FUS: variants seen among roughly 807,000 people sequenced by gnomAD.
The protein encoded by FUS is RNA-binding protein FUS.
In FUS, 5 loss-of-function variants were observed where a neutral mutation model predicts 82.7. The observed-to-expected ratio is 0.06, with a 90% CI of 0.03 to 0.13. FUS has a LOEUF of 0.13. FUS is among the 10% of genes least tolerant of loss of function. FUS has a pLI of 1.00. For synonymous variants in FUS, 281 were observed against 247.4 expected (o/e 1.14, Z -1.27); for missense variants, 512 against 707.8 (o/e 0.72, Z 3.14).
At chr16:31,186,523 C>G (rs946668576) in intron 6 of FUS, 1 of 522,752 alleles carries the variant, frequency 1.9e-6, no homozygotes, top group East Asian at 3.2e-5. Context: ...ATCGGAAGAA[C>G]GACCAAGGAA....
At chr16:31,191,222 GGTT>G (rs1296374683) in intron 14 of FUS, 112 bp downstream of exon 14, 70 of 1,508,024 alleles carry the variant, frequency 4.6e-5, no homozygotes, top group Admixed American at 1.9e-5. Context: ...AAAGACCTGA[GGTT>G]GTAACCAGTA....
intron 7 of FUS, chr16:31,187,213 TTGTGTGTG>T (rs959759925): frequency 5.3e-6 from 2 of 376,284 alleles, no homozygotes; most frequent in East Asian, 8.1e-5. Flanking sequence ...TGTCCAAGGC[TTGTGTGTG>T]TGTGAGTGTG....
chr16:31,180,146 C>T lies in FUS; in HGVS notation c.-69C>T, dbSNP rs766319327. 11 of 1,585,430 alleles carry T rather than the reference C, an allele frequency of 6.9e-6. No individual in the cohort carries two copies. The highest frequency in any genetic ancestry group is 1.7e-4 in the Middle Eastern group (1 of 6,050). ...GACGCAGGAGGCGGGGCTGCTCAGTCCTCCAGGCGTCGGTACTCAGCGGTG... is the reference window on the plus strand; with the variant it reads ...GACGCAGGAGGCGGGGCTGCTCAGTTCTCCAGGCGTCGGTACTCAGCGGTG... On this transcript the variant is annotated 5_prime_UTR_variant, in exon 1 of 15. Coordinates refer to ENST00000254108, the MANE Select transcript of FUS (RefSeq NM_004960.4).
intron 8 of FUS, chr16:31,188,746 T>G: frequency 2.2e-6 from 1 of 464,286 alleles, no homozygotes; most frequent in Non-Finnish European, 3.9e-6. Flanking sequence ...GAACTCCTGT[T>G]TAGGTTGTAT....
chr16:31,185,536 G>C (rs1411885804), intron 6 of FUS: 1 of 561,898 alleles, frequency 1.8e-6, no homozygotes, highest in Admixed American at 2.2e-5. Flanking sequence ...TCCCACTCCT[G>C]GGAAATAGTA....
chr16:31,190,270 A>C lies in FUS; in HGVS notation c.1169-5A>C. 1 of 1,614,116 alleles carries C rather than the reference A, an allele frequency of 6.2e-7. No homozygotes were observed. The highest frequency in any genetic ancestry group is 2.2e-5 in the East Asian group (1 of 44,874). ...GCAGACCCATACTTGGTCTATCTGC[A>C]TTAGGACCCATGGGCCGTGGAGGCT... On this transcript the variant is annotated splice_region_variant and splice_polypyrimidine_tract_variant and intron_variant, in intron 11 of 14. Transcript: ENST00000254108.
At chr16:31,190,419 T>C (rs1203340783) in intron 12 of FUS, 21 bp downstream of exon 12, 1 of 1,614,134 alleles carries the variant, frequency 6.2e-7, no homozygotes, top group Non-Finnish European at 8.5e-7. Context: ...CTTAATTTTT[T>C]TCTTAGTTCT....
downstream of FUS, chr16:31,192,947 T>A (rs2079380577): frequency 2.1e-6 from 1 of 484,790 alleles, no homozygotes; most frequent in Admixed American, 2.3e-5. Flanking sequence ...TCTTGGGTGA[T>A]TTGAGGCACA....
chr16:31,181,163 C>T (rs560005930), intron 1 of FUS, among the ~76,000 whole-genome samples: 1 of 152,342 alleles, frequency 6.6e-6, no homozygotes, highest in Non-Finnish European at 1.5e-5. Flanking sequence ...GATCCGCCCG[C>T]CTGGGCCTCC....
rs1462587828 is a variant in FUS, at chr16:31,190,125, A to C, written c.1152A>C (p.Gly384=). The change falls in exon 11 of 15, where the codon GGA becomes GGC. Residue 384 remains glycine, a synonymous_variant. Coordinates refer to ENST00000254108, the MANE Select transcript of FUS (RefSeq NM_004960.4). ...ATCGGGGTGGTGGCAATGGTCGTGG[A>C]GGCCGAGGGCGAGGAGGTGAGGAGC... ...DFNRGGGNGR[G]GRGRGGPMGR... 6.2e-7 allele frequency: 1 copy of C among 1,613,986 alleles called. No individual in the cohort carries two copies. The highest frequency in any genetic ancestry group is 2.2e-5 in the East Asian group (1 of 44,902).
At chr16:31,190,691 G>A (rs1329708606) in intron 12 of FUS, 51 bp from the exon 13 acceptor site, 1 of 1,516,054 alleles carries the variant, frequency 6.6e-7, no homozygotes, top group Middle Eastern at 1.7e-4. Context: ...CTAGTTCTAG[G>A]TCTTGCCTAT....
downstream of FUS, chr16:31,192,901 G>C (rs780043463): frequency 2.1e-6 from 1 of 486,332 alleles, no homozygotes; most frequent in Admixed American, 2.3e-5. Flanking sequence ...TGTTCCACAA[G>C]TATGTTCTCT....
intron 9 of FUS, 45 bp from the exon 10 acceptor site, chr16:31,189,620 A>G (rs1262168931): frequency 3.7e-6 from 6 of 1,613,548 alleles, no homozygotes; most frequent in African/African-American, 2.7e-5. Context: ...GAAAGGGAGT[A>G]CTGTAGCCTT....
At position 31,185,106 on chromosome 16, in the gene FUS, G is replaced by C; in HGVS notation, c.691G>C (p.Gly231Arg). Residue 231 changes from glycine to arginine, a missense_variant, in exon 6 of 15, where the codon GGT (glycine) becomes CGT (arginine). By Grantham distance (125) the Gly-to-Arg change is moderately radical. Coordinates refer to ENST00000254108, the MANE Select transcript of FUS (RefSeq NM_004960.4). ...SGGGGGGGGG[G>R]YNRSSGGYEP... Reference sequence around the variant, plus strand: ...TGGCGGCGGCGGCGGCGGCGGTGGTGGTTACAACCGCAGCAGTGGTGGCTA... The same window carrying C: ...TGGCGGCGGCGGCGGCGGCGGTGGTCGTTACAACCGCAGCAGTGGTGGCTA... 1 of 1,608,464 alleles carries C rather than the reference G, an allele frequency of 6.2e-7. No homozygotes were observed. Among genetic ancestry groups the C allele is most frequent in the Non-Finnish European group, 8.5e-7 (1 of 1,177,782 alleles).
At chr16:31,180,298 A>T in intron 1 of FUS, 71 bp downstream of exon 1, 1 of 1,554,768 alleles carries the variant, frequency 6.4e-7, no homozygotes, top group South Asian at 1.2e-5. Flanking sequence ...TTTCGTTTTC[A>T]GTGGGACCGG....
downstream of FUS, chr16:31,194,289 T>C (rs745882198): frequency 9.4e-5 from 50 of 529,274 alleles, no homozygotes; most frequent in Non-Finnish European, 1.6e-4. Context: ...TCTCATCCTT[T>C]TTAAATTTTT....
At chr16:31,180,917 TC>T (rs899297998) in intron 1 of FUS, among the ~76,000 whole-genome samples, 5 of 136,354 alleles carry the variant, frequency 3.7e-5, no homozygotes, top group Non-Finnish European at 6.6e-5. Context: ...TAAATTTCTT[TC>T]TTTTTTTTTT....
chr16:31,188,902 A>T, intron 8 of FUS: 1 of 587,332 alleles, frequency 1.7e-6, no homozygotes, highest in Non-Finnish European at 3.0e-6. Flanking sequence ...CATACTGTAT[A>T]CTGGGTGTTA....
intron 5 of FUS, 86 bp from the exon 6 acceptor site, chr16:31,184,853 G>T: frequency 7.4e-7 from 1 of 1,351,006 alleles, no homozygotes; most frequent in African/African-American, 1.5e-5. Context: ...TCATTGCCTG[G>T]CACTTGTCAA....
Sources: allele counts gnomAD v4.1 joint callset (sites outside exome capture counted in the v4.1 genomes callset), GRCh38; gene constraint gnomAD v4.1.1; transcripts MANE v1.5; gene names NCBI Gene and HGNC (gene_info 2026-07-23, HGNC 2026-07-21).